SFMBT2: variants seen among roughly 807,000 people sequenced by gnomAD.
SFMBT2 encodes Scm like with four mbt domains 2, also known as scm-like with four MBT domains protein 2.
In SFMBT2, 38 loss-of-function variants were observed where a neutral mutation model predicts 110.1. The observed-to-expected ratio is 0.35, with a 90% confidence interval of 0.27 to 0.45. The LOEUF (loss-of-function observed/expected upper bound fraction) is 0.45. Ranked by LOEUF, SFMBT2 falls within the 20% of genes least tolerant of loss-of-function variation. The pLI is 1.00. For synonymous variants in SFMBT2, 425 were observed against 425.4 expected (o/e 1.00, Z 0.01); for missense variants, 1,011 against 1,094.9 (o/e 0.92, Z 1.08).
chr10:7,329,108 G>T lies in SFMBT2; in HGVS notation c.436+38541C>A, dbSNP rs543276407. On this transcript the variant is annotated intron_variant, in intron 4 of 20. Transcript: ENST00000397167. ...ATTTTGTAAGCAACAGATATACTGG[G>T]GTTAATAAAATCCAAAAGAACTACC... Among the ~76,000 whole-genome samples, 8 of 152,246 alleles carry T rather than the reference G, an allele frequency of 5.3e-5. No homozygotes were observed. In the South Asian group the frequency reaches 1.7e-3, roughly 32 times the overall value.
chr10:7,295,912 C>T (rs1354652676), intron 4 of SFMBT2, among the ~76,000 whole-genome samples: 1 of 152,148 alleles, frequency 6.6e-6, no homozygotes, highest in Non-Finnish European at 1.5e-5. Flanking sequence ...GACTTTAATC[C>T]CAAAAGACCT....
intron 1 of SFMBT2, among the ~76,000 whole-genome samples, chr10:7,383,113 T>G (rs1845473553): frequency 6.6e-6 from 1 of 152,172 alleles, no homozygotes; most frequent in Non-Finnish European, 1.5e-5. Context: ...AACAAAAGAA[T>G]ATAATGCACC....
chr10:7,317,116 G>C (rs1843037651), intron 4 of SFMBT2, among the ~76,000 whole-genome samples: 1 of 152,098 alleles, frequency 6.6e-6, no homozygotes, highest in South Asian at 2.1e-4. Context: ...CTTCAGGAGA[G>C]GGCTTTGTCC....
chr10:7,221,080 C>T (rs1230732786), intron 10 of SFMBT2, among the ~76,000 whole-genome samples: 1 of 151,292 alleles, frequency 6.6e-6, no homozygotes, highest in Non-Finnish European at 1.5e-5. Context: ...CCTGCCTCAG[C>T]CTCCCAAAGT....
At chr10:7,361,920 C>T (rs1021543538) in intron 4 of SFMBT2, among the ~76,000 whole-genome samples, 3 of 152,170 alleles carry the variant, frequency 2.0e-5, no homozygotes, top group Admixed American at 1.3e-4. Context: ...CAGCCCCAGA[C>T]ATTAAGAGGT....
intron 1 of SFMBT2, among the ~76,000 whole-genome samples, chr10:7,387,402 T>C (rs533783887): frequency 1.5e-3 from 222 of 152,236 alleles, no homozygotes; most frequent in African/African-American, 5.1e-3. Context: ...GACATATAAA[T>C]ACCAGTGGCT....
chr10:7,335,757 C>T (rs1195383281), intron 4 of SFMBT2, among the ~76,000 whole-genome samples: 2 of 152,150 alleles, frequency 1.3e-5, no homozygotes, highest in Admixed American at 1.3e-4. Context: ...CTTTCTGTAT[C>T]TCAGGCAAAA....
chr10:7,270,913 G>A (rs1274518997), intron 7 of SFMBT2, among the ~76,000 whole-genome samples: 2 of 152,170 alleles, frequency 1.3e-5, no homozygotes, highest in African/African-American at 4.8e-5. Context: ...AATGATTAAT[G>A]TGTATACCTT....
intron 15 of SFMBT2, among the ~76,000 whole-genome samples, chr10:7,195,336 GC>G (rs1027909266): frequency 3.3e-5 from 5 of 152,152 alleles, no homozygotes; most frequent in African/African-American, 4.8e-5. Context: ...TAACCACACT[GC>G]GGAGCCCTTC....
At chr10:7,265,234 C>A (rs1262806433) in intron 7 of SFMBT2, among the ~76,000 whole-genome samples, 1 of 144,734 alleles carries the variant, frequency 6.9e-6, no homozygotes, top group Non-Finnish European at 1.5e-5. Flanking sequence ...TGAAGTCTCG[C>A]TCTGTCTCCC....
At chr10:7,340,260 G>A (rs1843849598) in intron 4 of SFMBT2, among the ~76,000 whole-genome samples, 1 of 152,086 alleles carries the variant, frequency 6.6e-6, no homozygotes. Flanking sequence ...GATCGTAAAG[G>A]TCTTCATCCT....
At chr10:7,246,492 G>A (rs568693323) in intron 8 of SFMBT2, among the ~76,000 whole-genome samples, 44 of 152,060 alleles carry the variant, frequency 2.9e-4, no homozygotes, top group African/African-American at 1.0e-3. Flanking sequence ...AGGCTGAGGC[G>A]GGCAGATCAC....
chr10:7,283,255 G>C lies in SFMBT2; in HGVS notation c.772+649C>G, dbSNP rs149730092. Among the ~76,000 whole-genome samples, 10 of 152,318 alleles carry C rather than the reference G, an allele frequency of 6.6e-5. No individual in the cohort carries two copies. In the East Asian group the frequency reaches 1.9e-3, roughly 29 times the overall value. On this transcript the variant is annotated intron_variant, in intron 6 of 20. Coordinates refer to ENST00000397167, the MANE Select transcript of SFMBT2 (RefSeq NM_001387889.1). Reference sequence around the variant, plus strand: ...TAGGTAGGTATGACAGAGAGCATAAGGCAGGATTCTTTCCAATTAAGCCTC... The same window carrying C: ...TAGGTAGGTATGACAGAGAGCATAACGCAGGATTCTTTCCAATTAAGCCTC...
At chr10:7,268,986 G>A (rs1281635616) in intron 7 of SFMBT2, among the ~76,000 whole-genome samples, 1 of 152,110 alleles carries the variant, frequency 6.6e-6, no homozygotes, top group African/African-American at 2.4e-5. Flanking sequence ...TTATAGACAT[G>A]GATAGTATAT....
At chr10:7,335,674 C>T (rs1348386126) in intron 4 of SFMBT2, among the ~76,000 whole-genome samples, 3 of 150,470 alleles carry the variant, frequency 2.0e-5, no homozygotes, top group African/African-American at 7.4e-5. Flanking sequence ...AAAAGAAATC[C>T]ATCCTGCTCT....
Position 7,163,548 on chromosome 10 carries a change from C to A in SFMBT2, c.*222G>T, listed in dbSNP as rs923914938. ...GGCCCACGTCTGGCAGGGTCTGATGCATGACTTTAACTGGCACTCCCCAGA... is the reference window on the plus strand; with the variant it reads ...GGCCCACGTCTGGCAGGGTCTGATGAATGACTTTAACTGGCACTCCCCAGA... On this transcript the variant is annotated 3_prime_UTR_variant, in exon 21 of 21. Transcript: ENST00000397167. This position sits in a 1 kb window ranked among gnomAD's most constrained non-coding sequence, Gnocchi z 4.8. 2.0e-6 allele frequency: 1 copy of A among 506,752 alleles called. No homozygotes were observed. The highest frequency in any genetic ancestry group is 3.5e-6 in the Non-Finnish European group (1 of 285,988). 31.4% of individuals were successfully genotyped at this position (506,752 alleles called of 1,614,324 possible). A position where few individuals can be genotyped will look rare whatever the true frequency, so the allele number is the denominator to read the frequency against.
At chr10:7,253,623 T>C (rs904630045) in intron 7 of SFMBT2, among the ~76,000 whole-genome samples, 3 of 152,198 alleles carry the variant, frequency 2.0e-5, no homozygotes, top group Non-Finnish European at 4.4e-5. Context: ...TTGTTTCATA[T>C]ACTGAAAAGA....
intron 11 of SFMBT2, chr10:7,207,112 C>T (rs188141868): frequency 4.9e-5 from 8 of 161,624 alleles, no homozygotes; most frequent in African/African-American, 1.4e-4. Flanking sequence ...GTAGTCCCAG[C>T]TACTCAGGAG....
chr10:7,227,557 T>C (rs938693433), intron 10 of SFMBT2, among the ~76,000 whole-genome samples: 2 of 152,234 alleles, frequency 1.3e-5, no homozygotes, highest in Non-Finnish European at 2.9e-5. Context: ...CTCACCATAA[T>C]GAGAACCACC....
Sources: allele counts gnomAD v4.1 joint callset (sites outside exome capture counted in the v4.1 genomes callset), GRCh38; gene constraint gnomAD v4.1.1; non-coding constraint Gnocchi (gnomAD v3.1); transcripts MANE v1.5; gene names NCBI Gene and HGNC (gene_info 2026-07-23, HGNC 2026-07-21).